Variants in IL20 observed in about 807,000 individuals in gnomAD.
IL20 encodes the protein interleukin-20.
In IL20, 22 loss-of-function variants were observed where a neutral mutation model predicts 19.2. The ratio of observed to expected loss-of-function variants is 1.15; its 90% CI spans 0.82 to 1.64. The LOEUF is 1.64. Ranked by LOEUF, IL20 falls within the 40% of genes most tolerant of loss-of-function variation. IL20 has a pLI of 0.00. For synonymous variants in IL20, 70 were observed against 76.2 expected (o/e 0.92, Z 0.43); for missense variants, 215 against 212.8 (o/e 1.01, Z -0.06).
rs1407087744 is a variant in IL20, at chr1:206,868,826, A to AT, written c.*268dup. 1 of 192,878 alleles carries AT rather than the reference A, an allele frequency of 5.2e-6. No homozygotes were observed. Among genetic ancestry groups the AT allele is most frequent in the Non-Finnish European group, 1.0e-5 (1 of 96,226 alleles). The allele number at this position is 192,878 out of a possible 1,614,324, so 11.9% of individuals were successfully genotyped here. A position where few individuals can be genotyped will look rare whatever the true frequency, so the allele number is the denominator to read the frequency against. On this transcript the variant is annotated 3_prime_UTR_variant, in exon 6 of 6. Coordinates refer to ENST00000367098, the MANE Select transcript of IL20 (RefSeq NM_018724.4). ...TATTTATTAGTTAATATATTTATTT[A>AT]TTTTTTGCTATTTAATGTATTTATT...
chr1:206,865,674 G>C lies in IL20; in HGVS notation c.-43G>C, dbSNP rs1339899092. 4 of 1,388,446 alleles carry C rather than the reference G, an allele frequency of 2.9e-6. No individual in the cohort carries two copies. In the African/African-American group the frequency reaches 5.8e-5, roughly 20 times the overall value. The allele number at this position is 1,388,446 out of a possible 1,614,324, so 86.0% of individuals were successfully genotyped here. A position where few individuals can be genotyped will look rare whatever the true frequency, so the allele number is the denominator to read the frequency against. Reference sequence around the variant, plus strand: ...AAATCTTCTCTTCACGGGAGGCTTGGCAGTTTTTCTTAGTAAGTTGCGTGG... The same window carrying C: ...AAATCTTCTCTTCACGGGAGGCTTGCCAGTTTTTCTTAGTAAGTTGCGTGG... On this transcript the variant is annotated 5_prime_UTR_variant, in exon 1 of 6. Transcript: ENST00000367098. This position sits in a 1 kb window ranked among gnomAD's most constrained non-coding sequence, Gnocchi z 4.1.
At chr1:206,866,224 T>C in intron 2 of IL20, 75 bp from the exon 3 acceptor site, 1 of 1,425,488 alleles carries the variant, frequency 7.0e-7, no homozygotes. Context: ...AGGGAGTGGA[T>C]GAGAAGTCTT....
chr1:206,865,483 A>G, upstream of IL20: 3 of 1,022,924 alleles, frequency 2.9e-6, no homozygotes, highest in Non-Finnish European at 3.5e-6. This position sits in a 1 kb window ranked among gnomAD's most constrained non-coding sequence, Gnocchi z 4.1. Context: ...CCCCAAAACA[A>G]GTTTTGACAT....
At chr1:206,864,936 C>T (rs1169800176), upstream of IL20, among the ~76,000 whole-genome samples, 1 of 152,206 alleles carries the variant, frequency 6.6e-6, no homozygotes, top group South Asian at 2.1e-4. Context: ...ACTCAGCAAA[C>T]ACCCTAACCT....
At chr1:206,866,941 T>C (rs1015471776) in intron 4 of IL20, among the ~76,000 whole-genome samples, 2 of 152,180 alleles carry the variant, frequency 1.3e-5, no homozygotes, top group African/African-American at 4.8e-5. Flanking sequence ...TCCTACAGTA[T>C]ATTAGTGCGT....
chr1:206,866,256 A>T (rs754320476), intron 2 of IL20, 43 bp from the exon 3 acceptor site: 1 of 1,584,780 alleles, frequency 6.3e-7, no homozygotes, highest in Non-Finnish European at 8.7e-7. Flanking sequence ...CCCTGGCAGC[A>T]GGCACTGACT....
chr1:206,866,192 A>G (rs1677539945), intron 2 of IL20, 107 bp from the exon 3 acceptor site: 3 of 1,234,230 alleles, frequency 2.4e-6, no homozygotes. Context: ...TTGGGAAAGG[A>G]CACCTCCCAC....
chr1:206,866,696 A>G (rs190712250), intron 4 of IL20, 60 bp downstream of exon 4: 7 of 1,500,510 alleles, frequency 4.7e-6, no homozygotes, highest in East Asian at 2.3e-5. Flanking sequence ...TGGCTTAGCA[A>G]CTAAACTCTC....
At chr1:206,866,185 G>C in intron 2 of IL20, 114 bp from the exon 3 acceptor site, 1 of 1,224,336 alleles carries the variant, frequency 8.2e-7, no homozygotes, top group Non-Finnish European at 1.2e-6. Context: ...AAATGTTTTG[G>C]GAAAGGACAC....
At chr1:206,864,279 C>T (rs771613269), upstream of IL20, among the ~76,000 whole-genome samples, 15 of 151,900 alleles carry the variant, frequency 9.9e-5, no homozygotes, top group South Asian at 2.1e-4. Flanking sequence ...GACAGTATCT[C>T]GAGTGGTCAC....
At chr1:206,867,534 C>A in intron 5 of IL20, 76 bp downstream of exon 5, 1 of 1,162,342 alleles carries the variant, frequency 8.6e-7, no homozygotes, top group Non-Finnish European at 1.3e-6. Context: ...GATGGTTATT[C>A]ACTGTTAGAC....
chr1:206,867,107 A>G (rs1572590088), intron 4 of IL20, among the ~76,000 whole-genome samples: 1 of 135,786 alleles, frequency 7.4e-6, no homozygotes, highest in Admixed American at 7.7e-5. Flanking sequence ...GGTTGTGGGG[A>G]GGCCAGATGG....
At chr1:206,866,661 G>A (rs781413639) in intron 4 of IL20, 25 bp downstream of exon 4, 4 of 1,610,278 alleles carry the variant, frequency 2.5e-6, no homozygotes, top group Non-Finnish European at 8.5e-7. Flanking sequence ...TGGGTGACAG[G>A]ATGCATCTCA....
chr1:206,865,709 A>G lies in IL20; in HGVS notation c.-31+23A>G. Reference sequence around the variant, plus strand: ...TTAGTAAGTTGCGTGGATGGGCCACACTGTCTGAGGCCAGATAAGGCTGTT... The same window carrying G: ...TTAGTAAGTTGCGTGGATGGGCCACGCTGTCTGAGGCCAGATAAGGCTGTT... On this transcript the variant is annotated intron_variant, in intron 1 of 5. Transcript: ENST00000367098. This position sits in a 1 kb window ranked among gnomAD's most constrained non-coding sequence, Gnocchi z 4.1. 3 of 1,424,710 alleles carry G rather than the reference A, an allele frequency of 2.1e-6. No individual in the cohort carries two copies. The highest frequency in any genetic ancestry group is 2.8e-6 in the Non-Finnish European group (3 of 1,090,298). The allele number at this position is 1,424,710 out of a possible 1,614,324, so 88.3% of individuals were successfully genotyped here.
intron 3 of IL20, 55 bp from the exon 4 acceptor site, chr1:206,866,429 G>A (rs1219161580): frequency 6.2e-7 from 1 of 1,613,404 alleles, no homozygotes; most frequent in Non-Finnish European, 8.5e-7. Flanking sequence ...CATCACCCTG[G>A]TCTTGTCTCT....
At chr1:206,866,771 C>A (rs949072237) in intron 4 of IL20, 135 bp downstream of exon 4, 1 of 896,842 alleles carries the variant, frequency 1.1e-6, no homozygotes, top group Non-Finnish European at 1.7e-6. Flanking sequence ...TGTGTTGAGA[C>A]ATGTGACTAG....
intron 5 of IL20, 63 bp downstream of exon 5, chr1:206,867,521 T>A (rs375295935): frequency 1.5e-6 from 2 of 1,336,444 alleles, no homozygotes; most frequent in Non-Finnish European, 2.2e-6. Flanking sequence ...CATAGGTAGG[T>A]GGGATGGTTA....
upstream of IL20, among the ~76,000 whole-genome samples, chr1:206,863,926 C>T (rs553154737): frequency 2.6e-4 from 39 of 152,200 alleles, 1 homozygote; most frequent in African/African-American, 8.7e-4. Flanking sequence ...TTTAAATAAT[C>T]GATTTAAAAT....
chr1:206,868,418 A>C, intron 5 of IL20, 69 bp from the exon 6 acceptor site: 1 of 1,104,002 alleles, frequency 9.1e-7, no homozygotes, highest in Non-Finnish European at 1.3e-6. Flanking sequence ...CCTATCCATA[A>C]AAGAGATAGG....
Sources: allele counts gnomAD v4.1 joint callset (sites outside exome capture counted in the v4.1 genomes callset), GRCh38; gene constraint gnomAD v4.1.1; non-coding constraint Gnocchi (gnomAD v3.1); transcripts MANE v1.5; gene names NCBI Gene and HGNC (gene_info 2026-07-23, HGNC 2026-07-21).